MAST4: variants seen among roughly 807,000 people sequenced by gnomAD.
MAST4 encodes the protein microtubule associated serine/threonine kinase family member 4, also known as microtubule-associated serine/threonine-protein kinase 4.
In MAST4, 89 loss-of-function variants were observed where a neutral mutation model predicts 162.7. The ratio of observed to expected loss-of-function variants is 0.55; its 90% CI spans 0.46 to 0.65. MAST4 has a LOEUF of 0.65. Ranked by LOEUF, MAST4 falls within the 30% of genes least tolerant of loss-of-function variation. The pLI, the probability that MAST4 is intolerant of heterozygous loss-of-function variation, is 0.00. For synonymous variants in MAST4, 1,479 were observed against 1,361.1 expected (o/e 1.09, Z -1.91); for missense variants, 3,153 against 3,374.0 (o/e 0.93, Z 1.62).
chr5:66,910,585 C>A (rs950060858), intron 4 of MAST4, among the ~76,000 whole-genome samples: 3 of 152,104 alleles, frequency 2.0e-5, no homozygotes, highest in Non-Finnish European at 4.4e-5. Flanking sequence ...CTCCATGTGG[C>A]CATAGACTAT....
At chr5:67,075,213 T>C (rs1443558895) in intron 5 of MAST4, among the ~76,000 whole-genome samples, 1 of 149,564 alleles carries the variant, frequency 6.7e-6, no homozygotes, top group Non-Finnish European at 1.5e-5. Flanking sequence ...CTCTGTCATC[T>C]AAGCTGGAGT....
At chr5:66,686,396 C>A (rs1407849483) in intron 1 of MAST4, among the ~76,000 whole-genome samples, 1 of 151,980 alleles carries the variant, frequency 6.6e-6, no homozygotes, top group Non-Finnish European at 1.5e-5. Flanking sequence ...TACAGAAAAG[C>A]CTTTCTGAGT....
Position 67,164,304 on chromosome 5 carries a change from A to G in MAST4, c.5125A>G (p.Lys1709Glu), listed in dbSNP as rs1452633931. The G allele has an allele frequency of 6.2e-7, 1 of 1,613,886 alleles. No homozygotes were observed. The highest frequency in any genetic ancestry group is 8.5e-7 in the Non-Finnish European group (1 of 1,179,880). ...CAACCTCTGCCCTGTGCTGAAGCCC[A>G]AGATGACAGCTGGCTCCCACGAATG... Reference protein sequence around the residue: ...EDNLCPVLKPKMTAGSHECLP... With the variant: ...EDNLCPVLKPEMTAGSHECLP... Residue 1709 changes from lysine (K) to glutamate (E), a missense_variant, in exon 29 of 29, where the codon AAG becomes GAG. Transcript: ENST00000403625. The surrounding 1 kb of genome is among the most constrained non-coding windows in gnomAD (Gnocchi z 5.3).
rs527881795 is a variant in MAST4, at chr5:66,799,710, C to A, written c.642+10916C>A. Among the ~76,000 whole-genome samples the A allele has an allele frequency of 3.3e-5, 5 of 152,284 alleles. No individual in the cohort carries two copies. The East Asian group carries it at 9.6e-4, about 29-fold the overall frequency. On this transcript the variant is annotated intron_variant, in intron 3 of 28. Transcript: ENST00000403625. ...GATCATGCTCTGCTGTGGCCCTAAC[C>A]TGAATTGTGATCAGTTGTGTAAGTA...
chr5:66,938,924 A>C (rs1743054070), intron 4 of MAST4, among the ~76,000 whole-genome samples: 1 of 152,150 alleles, frequency 6.6e-6, no homozygotes, highest in African/African-American at 2.4e-5. Flanking sequence ...GTTGGGGAAC[A>C]CTGATTTAGA....
chr5:66,960,917 CAG>C (rs769006190), intron 4 of MAST4, among the ~76,000 whole-genome samples: 4 of 152,144 alleles, frequency 2.6e-5, no homozygotes, highest in Non-Finnish European at 4.4e-5. Flanking sequence ...CAGCTAAACA[CAG>C]GGGATCTTTG....
In MAST4 at chr5:67,167,573, C is replaced by T. The variant is rs777409640; in HGVS notation, c.*522C>T. 6.6e-6 allele frequency: 1 copy of T among 152,202 alleles called. No homozygotes were observed. The highest frequency in any genetic ancestry group is 1.5e-5 in the Non-Finnish European group (1 of 68,078). 9.4% of individuals were successfully genotyped at this position (152,202 alleles called of 1,614,324 possible). ...GGTTTAAGAGACTATTTCAAGGTTC[C>T]ATTTTTATAAGCTAAAACATTCTAA... On this transcript the variant is annotated 3_prime_UTR_variant, in exon 29 of 29. Transcript: ENST00000403625.
In MAST4 at chr5:67,167,125, C is replaced by G. The variant is rs1168169087; in HGVS notation, c.*74C>G. On this transcript the variant is annotated 3_prime_UTR_variant, in exon 29 of 29. Coordinates refer to ENST00000403625, the MANE Select transcript of MAST4 (RefSeq NM_001164664.2). ...ACTGTGTCTTGACTACCTTTCAAAACCAGCACTGTGTGGGAATGTCCGCCA... is the reference window on the plus strand; with the variant it reads ...ACTGTGTCTTGACTACCTTTCAAAAGCAGCACTGTGTGGGAATGTCCGCCA... The G allele has an allele frequency of 7.5e-7, 1 of 1,340,558 alleles. No individual in the cohort carries two copies. Among genetic ancestry groups the G allele is most frequent in the African/African-American group, 1.5e-5 (1 of 68,202 alleles). The allele number at this position is 1,340,558 out of a possible 1,614,324, so 83.0% of individuals were successfully genotyped here.
At chr5:67,152,578 G>T in intron 24 of MAST4, 59 bp from the exon 25 acceptor site, 1 of 1,414,774 alleles carries the variant, frequency 7.1e-7, no homozygotes, top group Non-Finnish European at 1.0e-6. Context: ...GGTGAGGGTT[G>T]CCTGCATGGA....
At chr5:66,693,997 T>C (rs1034240900) in intron 1 of MAST4, among the ~76,000 whole-genome samples, 2 of 152,170 alleles carry the variant, frequency 1.3e-5, no homozygotes, top group African/African-American at 4.8e-5. Flanking sequence ...TACATGAACA[T>C]ACTTGAGGGG....
intron 3 of MAST4, among the ~76,000 whole-genome samples, chr5:66,897,048 A>G: frequency 6.6e-6 from 1 of 152,264 alleles, no homozygotes; most frequent in Middle Eastern, 3.2e-3. Flanking sequence ...GTTAAATGTC[A>G]TTGAGTCATC....
chr5:66,965,242 T>TC (rs773985274), intron 4 of MAST4, among the ~76,000 whole-genome samples: 3 of 147,262 alleles, frequency 2.0e-5, no homozygotes, highest in Non-Finnish European at 3.0e-5. Context: ...TTTTTTTTTT[T>TC]CCCTATCTGG....
At chr5:66,655,065 A>G (rs539000919) in intron 1 of MAST4, among the ~76,000 whole-genome samples, 1 of 152,268 alleles carries the variant, frequency 6.6e-6, no homozygotes, top group Admixed American at 6.5e-5. Context: ...TTTTGCATTC[A>G]TTCCTTGGTT....
intron 2 of MAST4, 103 bp downstream of exon 2, chr5:66,759,965 T>TG: frequency 1.6e-6 from 2 of 1,248,150 alleles, no homozygotes; most frequent in Non-Finnish European, 2.2e-6. Context: ...AGAATGGGCC[T>TG]GCCTCTGCAG....
At chr5:67,035,232 AG>A (rs1755865619) in intron 4 of MAST4, among the ~76,000 whole-genome samples, 1 of 152,174 alleles carries the variant, frequency 6.6e-6, no homozygotes, top group South Asian at 2.1e-4. Flanking sequence ...TGACTACTCA[AG>A]GAACAGCCAT....
intron 1 of MAST4, among the ~76,000 whole-genome samples, chr5:66,629,792 G>A (rs1292938654): frequency 2.0e-5 from 3 of 152,096 alleles, no homozygotes; most frequent in Non-Finnish European, 4.4e-5. Flanking sequence ...TTAACCAACT[G>A]GAAAGATGTC....
At chr5:67,059,266 C>T (rs531763006) in intron 5 of MAST4, among the ~76,000 whole-genome samples, 3 of 152,210 alleles carry the variant, frequency 2.0e-5, no homozygotes, top group Non-Finnish European at 2.9e-5. Context: ...GCTGCTCCTT[C>T]CATCAACCAG....
chr5:67,090,261 G>A (rs1412083245), intron 6 of MAST4, 30 bp downstream of exon 6: 1 of 1,561,638 alleles, frequency 6.4e-7, no homozygotes, highest in Non-Finnish European at 8.8e-7. Context: ...GGAGGCATAA[G>A]GTCTTATAGA....
intron 2 of MAST4, among the ~76,000 whole-genome samples, chr5:66,776,373 A>G (rs1468249717): frequency 6.6e-6 from 1 of 152,226 alleles, no homozygotes; most frequent in Non-Finnish European, 1.5e-5. Context: ...TAATTTCTCC[A>G]AGAAGTAAGA....
Sources: gnomAD v4.1 joint callset for allele counts (sites outside exome capture counted in the v4.1 genomes callset) on GRCh38, gnomAD v4.1.1 for gene constraint, Gnocchi (gnomAD v3.1) non-coding constraint, MANE v1.5 for transcripts, NCBI Gene and HGNC (gene_info 2026-07-23, HGNC 2026-07-21) for gene names.